Variants in TENM3 observed in about 807,000 individuals in gnomAD.
TENM3 encodes the protein teneurin transmembrane protein 3.
TENM3 carries 63 observed loss-of-function variants against 255.1 expected under a neutral mutation model. That is an observed-to-expected ratio of 0.25 (90% CI 0.20 to 0.30). TENM3 has a LOEUF of 0.30. TENM3 is among the 10% of genes least tolerant of loss of function. TENM3 has a pLI of 1.00. For synonymous variants in TENM3, 1,306 were observed against 1,322.3 expected (o/e 0.99, Z 0.27); for missense variants, 2,929 against 3,461.1 (o/e 0.85, Z 3.86).
At chr4:181,658,365 A>G in the TENM3 span, among the ~76,000 whole-genome samples, 1 of 152,206 alleles carries the variant, frequency 6.6e-6, no homozygotes, top group Non-Finnish European at 1.5e-5. Context: ...CTCACAGAAT[A>G]ACCGTCCATA....
At chr4:181,450,008 A>G in the TENM3 span, among the ~76,000 whole-genome samples, 1 of 152,204 alleles carries the variant, frequency 6.6e-6, no homozygotes, top group Non-Finnish European at 1.5e-5. Context: ...CATATTTTTA[A>G]GTAAATTATC....
At chr4:181,902,480 T>C in the TENM3 span, among the ~76,000 whole-genome samples, 5 of 152,228 alleles carry the variant, frequency 3.3e-5, no homozygotes, top group Non-Finnish European at 7.3e-5. Flanking sequence ...CGCGTATGTT[T>C]ATTGCAGCAC....
chr4:181,699,227 T>C, the TENM3 span, among the ~76,000 whole-genome samples: 3 of 151,678 alleles, frequency 2.0e-5, no homozygotes, highest in Non-Finnish European at 4.4e-5. Flanking sequence ...GGCCAGGGGT[T>C]TGAGGCCAGC....
chr4:181,808,019 G>A, the TENM3 span, among the ~76,000 whole-genome samples: 1 of 152,134 alleles, frequency 6.6e-6, no homozygotes, highest in Non-Finnish European at 1.5e-5. Context: ...CATTTCCCAT[G>A]GGAGCTCCCT....
At chr4:182,043,159 C>T in the TENM3 span, among the ~76,000 whole-genome samples, 1 of 152,058 alleles carries the variant, frequency 6.6e-6, no homozygotes, top group Admixed American at 6.5e-5. Flanking sequence ...CCTGCGTGCA[C>T]ACATACACAT....
intron 4 of TENM3, among the ~76,000 whole-genome samples, chr4:182,618,587 T>G (rs1458528097): frequency 1.3e-5 from 2 of 150,032 alleles, no homozygotes; most frequent in Non-Finnish European, 3.0e-5. Flanking sequence ...GAACAGCTAC[T>G]AAGGAACAAA....
At chr4:181,735,450 AG>A in the TENM3 span, among the ~76,000 whole-genome samples, 4 of 152,256 alleles carry the variant, frequency 2.6e-5, no homozygotes, top group African/African-American at 9.6e-5. Context: ...AATTGGGAAA[AG>A]TTTTAAAATA....
intron 9 of TENM3, 90 bp from the exon 10 acceptor site, chr4:182,680,453 G>A (rs1002018203): frequency 6.7e-7 from 1 of 1,491,096 alleles, no homozygotes; most frequent in Non-Finnish European, 9.3e-7. Flanking sequence ...GGGGAGACTG[G>A]CATATTGCTT....
chr4:182,037,074 T>C, the TENM3 span, among the ~76,000 whole-genome samples: 1 of 152,086 alleles, frequency 6.6e-6, no homozygotes, highest in South Asian at 2.1e-4. Flanking sequence ...ATAATGGAGT[T>C]CTATATAGAT....
intron 1 of TENM3, among the ~76,000 whole-genome samples, chr4:182,188,680 C>T (rs865806182): frequency 6.6e-6 from 1 of 152,128 alleles, no homozygotes; most frequent in African/African-American, 2.4e-5. Flanking sequence ...CATGATTTGA[C>T]AGTATCACAT....
intron 1 of TENM3, among the ~76,000 whole-genome samples, chr4:182,204,771 A>C (rs1579706781): frequency 4.6e-5 from 7 of 152,200 alleles, no homozygotes. Flanking sequence ...AAAACAATGA[A>C]ATGCAAATTT....
At chr4:182,349,732 T>C (rs991822013) in intron 3 of TENM3, 4 of 225,586 alleles carry the variant, frequency 1.8e-5, no homozygotes, top group Non-Finnish European at 3.6e-5. Flanking sequence ...TTCTACTATC[T>C]TCAGGTGTTT....
the TENM3 span, among the ~76,000 whole-genome samples, chr4:181,931,485 A>G: frequency 6.6e-6 from 1 of 152,216 alleles, no homozygotes; most frequent in African/African-American, 2.4e-5. Flanking sequence ...TTCAAGGGGA[A>G]CTACAAACCA....
At chr4:181,974,172 G>A in the TENM3 span, among the ~76,000 whole-genome samples, 618 of 152,304 alleles carry the variant, frequency 4.1e-3, 19 homozygotes, top group South Asian at 0.058. Flanking sequence ...TGGCTGGGTA[G>A]GAGCATAATC....
the TENM3 span, among the ~76,000 whole-genome samples, chr4:181,730,554 T>G: frequency 1.3e-5 from 2 of 152,176 alleles, no homozygotes; most frequent in Non-Finnish European, 2.9e-5. Context: ...AGCAGCCATG[T>G]TTCCCAGGAA....
intron 2 of TENM3, among the ~76,000 whole-genome samples, chr4:182,331,086 A>G (rs79158411): frequency 0.022 from 3,298 of 152,290 alleles, 57 homozygotes; most frequent in Middle Eastern, 0.037. Context: ...AAAGAGGACA[A>G]TAGACCCACC....
the TENM3 span, among the ~76,000 whole-genome samples, chr4:182,078,816 G>A: frequency 2.6e-5 from 4 of 152,274 alleles, no homozygotes; most frequent in Admixed American, 6.5e-5. Flanking sequence ...CAGGACTTGG[G>A]TGATATTATT....
chr4:182,318,910 G>C (rs1344262665), intron 1 of TENM3, among the ~76,000 whole-genome samples: 6 of 152,074 alleles, frequency 3.9e-5, no homozygotes, highest in Non-Finnish European at 8.8e-5. Context: ...TAGAACTACA[G>C]GCATGTGCCA....
the TENM3 span, among the ~76,000 whole-genome samples, chr4:181,536,837 A>G: frequency 1.3e-5 from 2 of 152,214 alleles, no homozygotes; most frequent in African/African-American, 4.8e-5. Context: ...GGCTTTAAAA[A>G]GGCAGTGTTT....
Sources: allele counts gnomAD v4.1 joint callset (sites outside exome capture counted in the v4.1 genomes callset), GRCh38; gene constraint gnomAD v4.1.1; transcripts MANE v1.5; gene names NCBI Gene and HGNC (gene_info 2026-07-23, HGNC 2026-07-21).